CSN3: variants seen among roughly 807,000 people sequenced by gnomAD.
The protein encoded by CSN3 is kappa-casein.
A neutral mutation model predicts 9.9 loss-of-function variants in CSN3; 7 were observed. The ratio of observed to expected loss-of-function variants is 0.71; its 90% CI spans 0.40 to 1.33. CSN3 has a LOEUF of 1.33. CSN3 is among the 40% of genes most tolerant of loss of function. CSN3 has a pLI of 0.01. For synonymous variants in CSN3, 88 were observed against 82.3 expected, an observed-to-expected ratio of 1.07 and a Z score of -0.37; for missense variants, 253 against 227.9, an observed-to-expected ratio of 1.11 and a Z score of -0.71.
intron 4 of CSN3, 58 bp from the exon 5 acceptor site, chr4:70,251,204 T>A (rs1206831339): frequency 6.6e-6 from 1 of 152,166 alleles, no homozygotes; most frequent in Non-Finnish European, 1.5e-5. Flanking sequence ...TAAATATATA[T>A]CATGAGAACT....
At chr4:70,243,084 T>A (rs1342056610) in intron 1 of CSN3, 2 of 444,152 alleles carry the variant, frequency 4.5e-6, no homozygotes, top group Non-Finnish European at 5.9e-6. Context: ...ATTATTTTTT[T>A]AAAACATGTT....
Position 70,247,810 on chromosome 4 carries a change from C to A in CSN3, c.55-8C>A. ...TTTCTCATTATTTCTTCTTCTGGAACTCCCCAGGCTGTGGAGGTTCAAAAC... is the reference window on the plus strand; with the variant it reads ...TTTCTCATTATTTCTTCTTCTGGAAATCCCCAGGCTGTGGAGGTTCAAAAC... On this transcript the variant is annotated splice_polypyrimidine_tract_variant and splice_region_variant and intron_variant, in intron 2 of 4. Transcript: ENST00000304954. 6.3e-7 allele frequency: 1 copy of A among 1,581,802 alleles called. No homozygotes were observed. Among genetic ancestry groups the A allele is most frequent in the Non-Finnish European group, 8.6e-7 (1 of 1,168,118 alleles).
At position 70,250,394 on chromosome 4, in the gene CSN3, G is replaced by A. The variant is rs116315237; in HGVS notation, c.*35-868G>A. ...GACTACCATTAGCCCAGAAAAGGTTGCTTCTTTCATCTGCTTGCCTAATGA... is the reference window on the plus strand; with the variant it reads ...GACTACCATTAGCCCAGAAAAGGTTACTTCTTTCATCTGCTTGCCTAATGA... On this transcript the variant is annotated intron_variant, in intron 4 of 4. Coordinates refer to ENST00000304954, the Ensembl canonical transcript of CSN3. 2.8e-3 allele frequency among the ~76,000 whole-genome samples: 429 copies of A among 152,172 alleles called. 3 individuals carry two copies. Among genetic ancestry groups the A allele is most frequent in the African/African-American group, 9.9e-3 (410 of 41,556 alleles).
chr4:70,249,493 G>A (rs1424838462), exon 4 of CSN3: 15 of 1,517,744 alleles, frequency 9.9e-6, no homozygotes, highest in Non-Finnish European at 1.2e-5. Flanking sequence ...ACACAACGCA[G>A]GTAAATTAAC....
exon 2 of CSN3, chr4:70,244,820 A>G: frequency 6.5e-7 from 1 of 1,546,102 alleles, no homozygotes; most frequent in Non-Finnish European, 8.7e-7. Context: ...AGGTGCAATA[A>G]TGAAGAGTTT....
chr4:70,243,170 T>C (rs1730306244), intron 1 of CSN3: 1 of 979,372 alleles, frequency 1.0e-6, no homozygotes, highest in Non-Finnish European at 1.2e-6. Context: ...TGAGGGCAAA[T>C]GCAAATGTAG....
chr4:70,246,525 A>C (rs531127258), intron 2 of CSN3, among the ~76,000 whole-genome samples: 1 of 152,110 alleles, frequency 6.6e-6, no homozygotes, highest in Non-Finnish European at 1.5e-5. Context: ...AAATAAAAAA[A>C]AGAGACACCA....
upstream of CSN3, among the ~76,000 whole-genome samples, chr4:70,240,241 G>C (rs1485748174): frequency 6.6e-6 from 1 of 151,940 alleles, no homozygotes; most frequent in Non-Finnish European, 1.5e-5. Context: ...ATTGCAAAAT[G>C]TTTTTGTTTA....
At chr4:70,246,165 T>C (rs1205951227) in intron 2 of CSN3, among the ~76,000 whole-genome samples, 1 of 152,200 alleles carries the variant, frequency 6.6e-6, no homozygotes, top group Non-Finnish European at 1.5e-5. Flanking sequence ...TTATATGTAC[T>C]ATTTTATCCC....
chr4:70,247,306 A>G (rs559489783), intron 2 of CSN3, among the ~76,000 whole-genome samples: 11 of 152,170 alleles, frequency 7.2e-5, no homozygotes, highest in Non-Finnish European at 1.6e-4. Flanking sequence ...GAAAAGCACT[A>G]TAAAAACAAA....
At chr4:70,248,585 C>T (rs999172143) in intron 3 of CSN3, among the ~76,000 whole-genome samples, 1 of 151,896 alleles carries the variant, frequency 6.6e-6, no homozygotes, top group African/African-American at 2.4e-5. Context: ...AGAATACATA[C>T]GTGTGTGTGC....
chr4:70,247,905 C>G, intron 3 of CSN3, 55 bp downstream of exon 3: 3 of 1,371,828 alleles, frequency 2.2e-6, no homozygotes, highest in Non-Finnish European at 3.0e-6. Context: ...ATATATTCTG[C>G]AAAGGTCAAT....
At chr4:70,248,341 T>C (rs910553055) in intron 3 of CSN3, among the ~76,000 whole-genome samples, 2 of 152,116 alleles carry the variant, frequency 1.3e-5, no homozygotes, top group African/African-American at 4.8e-5. Flanking sequence ...TTTATTTCTA[T>C]TCATATGGAA....
intron 3 of CSN3, 138 bp downstream of exon 3, chr4:70,247,988 A>C (rs1423761144): frequency 1.7e-6 from 1 of 571,492 alleles, no homozygotes; most frequent in African/African-American, 2.0e-5. Context: ...TATTTGCAAG[A>C]AAATAATTTC....
upstream of CSN3, among the ~76,000 whole-genome samples, chr4:70,242,153 A>G (rs1730283011): frequency 6.8e-6 from 1 of 147,964 alleles, no homozygotes; most frequent in African/African-American, 2.5e-5. Flanking sequence ...TTGAATAAGA[A>G]TACAATTAAT....
chr4:70,244,721 T>G (rs1267984769), intron 1 of CSN3, 91 bp from the exon 2 acceptor site: 3 of 633,036 alleles, frequency 4.7e-6, no homozygotes, highest in Admixed American at 4.2e-5. Context: ...CTGGCTTTTT[T>G]TCTTAATCAA....
At chr4:70,249,055 T>C (rs754134518) in exon 4 of CSN3, 3 of 1,613,730 alleles carry the variant, frequency 1.9e-6, no homozygotes, top group Non-Finnish European at 2.5e-6. Context: ...TGTCCCAATG[T>C]ATTATGTGCC....
chr4:70,246,767 G>A (rs1489729708), intron 2 of CSN3, among the ~76,000 whole-genome samples: 2 of 150,120 alleles, frequency 1.3e-5, no homozygotes, highest in Non-Finnish European at 3.0e-5. Flanking sequence ...TGCTTCCCAG[G>A]TTTAAGCGAT....
upstream of CSN3, among the ~76,000 whole-genome samples, chr4:70,239,675 A>T (rs1476223919): frequency 1.3e-5 from 2 of 151,950 alleles, no homozygotes; most frequent in Non-Finnish European, 2.9e-5. Flanking sequence ...CTATCTCCTT[A>T]GATAATCTCT....
Sources: allele counts gnomAD v4.1 joint callset (sites outside exome capture counted in the v4.1 genomes callset), GRCh38; gene constraint gnomAD v4.1.1; transcripts MANE v1.5; gene names NCBI Gene and HGNC (gene_info 2026-07-23, HGNC 2026-07-21).